BDNF: variants seen among roughly 807,000 people sequenced by gnomAD.
BDNF encodes the protein brain derived neurotrophic factor.
Under a neutral mutation model 19.5 loss-of-function variants are expected in BDNF, and 1 was observed. The observed-to-expected ratio is 0.05, with a 90% CI of 0.02 to 0.24. The LOEUF is 0.24. Ranked by LOEUF, BDNF falls within the 10% of genes least tolerant of loss-of-function variation. The pLI, the probability that BDNF is intolerant of heterozygous loss-of-function variation, is 1.00. For missense variants in BDNF, 195 were observed against 317.6 expected, an observed-to-expected ratio of 0.61 and a Z score of 2.93; for synonymous variants, 100 against 121.6, an observed-to-expected ratio of 0.82 and a Z score of 1.17.
intron 1 of BDNF, among the ~76,000 whole-genome samples, chr11:27,684,804 T>A (rs1590371080): frequency 6.6e-6 from 1 of 152,154 alleles, no homozygotes; most frequent in East Asian, 1.9e-4. Context: ...AGTTTACCAG[T>A]TTTTTATTGA....
chr11:27,710,609 A>AGC (rs1860285449), intron 1 of BDNF, among the ~76,000 whole-genome samples: 1 of 152,208 alleles, frequency 6.6e-6, no homozygotes, highest in Non-Finnish European at 1.5e-5. Context: ...AAGCCTTGTA[A>AGC]TTACGTTTTA....
At chr11:27,700,065 G>A (rs1859722770) in intron 1 of BDNF, 99 bp downstream of exon 1, 2 of 961,702 alleles carry the variant, frequency 2.1e-6, no homozygotes, top group Middle Eastern at 5.4e-4. Context: ...GAAGGAGACT[G>A]GCCTCGTCCC....
intron 1 of BDNF, among the ~76,000 whole-genome samples, chr11:27,670,369 A>T (rs1354851451): frequency 1.3e-5 from 2 of 152,228 alleles, no homozygotes; most frequent in Non-Finnish European, 2.9e-5. Flanking sequence ...CATGACTAAA[A>T]CACCAAAAGC....
Position 27,700,431 on chromosome 11 carries a change from T to G in BDNF, c.-289A>C, listed in dbSNP as rs7930226. 984,636 of 985,414 alleles carry G rather than the reference T, an allele frequency of 1. 491,933 individuals carry two copies. Among genetic ancestry groups the G allele is most frequent in the Middle Eastern group, 1 (1,908 of 1,908 alleles). The allele number at this position is 985,414 out of a possible 1,614,324, so 61.0% of individuals were successfully genotyped here. The stretch of plus-strand genomic sequence containing the variant: ...GCGCCCGGGCGCGGCGGCGGCAGCG[T>G]CGGGGACCCGGAGCTCCAGGCTGCG... On this transcript the variant is annotated 5_prime_UTR_variant, in exon 1 of 2. Coordinates refer to ENST00000356660, the MANE Select transcript of BDNF (RefSeq NM_001709.5).
At chr11:27,688,754 G>T (rs1857841953) in intron 1 of BDNF, among the ~76,000 whole-genome samples, 1 of 152,110 alleles carries the variant, frequency 6.6e-6, no homozygotes, top group Non-Finnish European at 1.5e-5. Flanking sequence ...TGTCTAACCA[G>T]TCCCAATGAG....
At chr11:27,703,779 T>C (rs1056461134), upstream of BDNF, among the ~76,000 whole-genome samples, 1 of 152,238 alleles carries the variant, frequency 6.6e-6, no homozygotes, top group Non-Finnish European at 1.5e-5. Flanking sequence ...ATAACCATGA[T>C]GAATCACACC....
rs537749473 is a variant in BDNF at position 27,694,099 on chromosome 11, AT to A, written c.-22+6064del. Among the ~76,000 whole-genome samples, 50 of 152,282 alleles carry A rather than the reference AT, an allele frequency of 3.3e-4. No homozygotes were observed. In the East Asian group the frequency reaches 8.9e-3, roughly 27 times the overall value. On this transcript the variant is annotated intron_variant, in intron 1 of 1. Coordinates refer to ENST00000356660, the MANE Select transcript of BDNF (RefSeq NM_001709.5). ...CTCTGCTTACCAGAAATTGGCACAAATTTAAGATATACTATATTCTACTCCC... is the reference window on the plus strand; with the variant it reads ...CTCTGCTTACCAGAAATTGGCACAAATTAAGATATACTATATTCTACTCCC...
upstream of BDNF, chr11:27,701,509 A>G (rs1859893214): frequency 1.0e-6 from 1 of 989,344 alleles, no homozygotes; most frequent in Non-Finnish European, 1.2e-6. Flanking sequence ...TGGCGGAGGT[A>G]ATACTCGCAC....
chr11:27,698,914 A>C (rs1564987410), intron 1 of BDNF, among the ~76,000 whole-genome samples: 1 of 152,130 alleles, frequency 6.6e-6, no homozygotes, highest in Non-Finnish European at 1.5e-5. Context: ...GGCTTATCAA[A>C]GCTCCCCCAG....
chr11:27,691,817 T>C (rs991580427), intron 1 of BDNF, among the ~76,000 whole-genome samples: 11 of 152,218 alleles, frequency 7.2e-5, no homozygotes, highest in Non-Finnish European at 1.6e-4. Flanking sequence ...CAATTCCTTT[T>C]AGTTTATATT....
intron 1 of BDNF, among the ~76,000 whole-genome samples, chr11:27,688,245 G>A (rs992115621): frequency 2.6e-5 from 4 of 152,170 alleles, no homozygotes; most frequent in Admixed American, 6.5e-5. Context: ...CAGTAATGGC[G>A]GATGCCCCTC....
At chr11:27,665,920 G>A (rs1378012680) in intron 1 of BDNF, among the ~76,000 whole-genome samples, 6 of 152,132 alleles carry the variant, frequency 3.9e-5, no homozygotes, top group Non-Finnish European at 8.8e-5. Context: ...AAAAGAGTAG[G>A]GGTCCTCCCA....
rs957124420 is a variant in BDNF at position 27,656,590 on chromosome 11, C to T, written c.*1231G>A. On this transcript the variant is annotated 3_prime_UTR_variant, in exon 2 of 2. Coordinates refer to ENST00000356660, the MANE Select transcript of BDNF (RefSeq NM_001709.5). ...GCCGGTAAATGCAATGCCAACTCCA[C>T]ATAGCCTCCATTTGGCTGTTCAGTC... is the stretch of plus-strand genomic sequence containing the variant. 3.0e-6 allele frequency: 3 copies of T among 985,724 alleles called. No homozygotes were observed. The African/African-American group carries it at 5.2e-5, about 17-fold the overall frequency. 61.1% of individuals were successfully genotyped at this position (985,724 alleles called of 1,614,324 possible). A position where few individuals can be genotyped will look rare whatever the true frequency, so the allele number is the denominator to read the frequency against.
At chr11:27,674,374 T>C in intron 1 of BDNF, 5 of 1,505,960 alleles carry the variant, frequency 3.3e-6, no homozygotes, top group East Asian at 2.5e-5. Context: ...TCATTACTTG[T>C]AGCTTAATGC....
chr11:27,692,417 C>T (rs1858416557), intron 1 of BDNF, among the ~76,000 whole-genome samples: 2 of 152,162 alleles, frequency 1.3e-5, no homozygotes, highest in Admixed American at 6.5e-5. Context: ...TCACGGCTCA[C>T]TGCAGCCCCA....
chr11:27,656,292 C>G lies in BDNF; in HGVS notation c.*1529G>C, dbSNP rs1211824030. On this transcript the variant is annotated 3_prime_UTR_variant, in exon 2 of 2. Coordinates refer to ENST00000356660, the MANE Select transcript of BDNF (RefSeq NM_001709.5). ...CACAAATGCCACATTTGGCTCCCAA[C>G]CTGCTCCAGGCTAATCCAATTTTAT... 6.5e-6 allele frequency: 1 copy of G among 154,178 alleles called. No homozygotes were observed. The highest frequency in any genetic ancestry group is 2.4e-5 in the African/African-American group (1 of 41,464). The allele number at this position is 154,178 out of a possible 1,614,324, so 9.6% of individuals were successfully genotyped here. A position where few individuals can be genotyped will look rare whatever the true frequency, so the allele number is the denominator to read the frequency against.
At chr11:27,718,706 C>T (rs1860626603) in intron 1 of BDNF, among the ~76,000 whole-genome samples, 1 of 151,916 alleles carries the variant, frequency 6.6e-6, no homozygotes, top group African/African-American at 2.4e-5. Context: ...AGCAGCCTAT[C>T]ACCGTCATCT....
chr11:27,672,324 T>C (rs1174838730), intron 1 of BDNF, among the ~76,000 whole-genome samples: 4 of 152,166 alleles, frequency 2.6e-5, no homozygotes, highest in East Asian at 1.9e-4. Context: ...CATAGCCTAA[T>C]ATCACTCACT....
chr11:27,680,641 G>A (rs1856732851), intron 1 of BDNF, among the ~76,000 whole-genome samples: 3 of 152,192 alleles, frequency 2.0e-5, no homozygotes, highest in Non-Finnish European at 4.4e-5. Context: ...GCAGTCTACT[G>A]TGTGCTATCA....
Sources: allele counts gnomAD v4.1 joint callset (sites outside exome capture counted in the v4.1 genomes callset), GRCh38; gene constraint gnomAD v4.1.1; transcripts MANE v1.5; gene names NCBI Gene and HGNC (gene_info 2026-07-23, HGNC 2026-07-21).